Variants in CELF2 observed in about 807,000 individuals in gnomAD.
The protein encoded by CELF2 is CUGBP Elav-like family member 2.
A neutral mutation model predicts 62.6 loss-of-function variants in CELF2; 8 were observed. The observed-to-expected ratio is 0.13, with a 90% confidence interval of 0.07 to 0.23. The LOEUF (loss-of-function observed/expected upper bound fraction) is 0.23, where lower values mean the gene tolerates loss of function less well. CELF2 is among the 10% of genes least tolerant of loss of function. CELF2 has a pLI of 1.00. For missense variants in CELF2, 333 were observed against 671.0 expected (o/e 0.50, Z 5.56); for synonymous variants, 258 against 250.0 (o/e 1.03, Z -0.30).
intron 1 of CELF2, among the ~76,000 whole-genome samples, chr10:11,123,577 G>T (rs1204594083): frequency 7.9e-5 from 12 of 152,152 alleles, no homozygotes; most frequent in South Asian, 2.1e-4. Context: ...GGTGGTGAGG[G>T]TTAAGAGTTG....
At chr10:10,978,052 T>C (rs991363267) in intron 2 of CELF2, among the ~76,000 whole-genome samples, 2 of 151,362 alleles carry the variant, frequency 1.3e-5, no homozygotes, top group African/African-American at 4.9e-5. Flanking sequence ...TTTTTTTTTT[T>C]CCAGAGAAAG....
At chr10:10,673,176 G>A in the CELF2 span, among the ~76,000 whole-genome samples, 1 of 151,966 alleles carries the variant, frequency 6.6e-6, no homozygotes, top group Non-Finnish European at 1.5e-5. Context: ...CAGGAGTTTG[G>A]GGTTCTGTTT....
At chr10:11,022,691 A>G (rs1435320056) in intron 1 of CELF2, among the ~76,000 whole-genome samples, 3 of 152,232 alleles carry the variant, frequency 2.0e-5, no homozygotes, top group African/African-American at 7.2e-5. Context: ...TTTACTTAGC[A>G]TAAAAAGACA....
At chr10:11,155,417 T>C (rs7084513) in intron 1 of CELF2, among the ~76,000 whole-genome samples, 5,674 of 152,182 alleles carry the variant, frequency 0.037, 229 homozygotes, top group African/African-American at 0.1. Flanking sequence ...TGTTTGCTCC[T>C]CGTCTTCTCC....
the CELF2 span, among the ~76,000 whole-genome samples, chr10:10,513,006 A>G: frequency 1.3e-5 from 2 of 152,190 alleles, no homozygotes; most frequent in African/African-American, 4.8e-5. Flanking sequence ...CAATACCATG[A>G]AAACGGTGCC....
intron 2 of CELF2, among the ~76,000 whole-genome samples, chr10:10,945,372 C>T (rs2047545062): frequency 6.6e-6 from 1 of 152,170 alleles, no homozygotes; most frequent in Non-Finnish European, 1.5e-5. Flanking sequence ...GGCCAGACCC[C>T]AGCATATGCC....
chr10:10,927,908 A>C (rs1459684526), intron 2 of CELF2, among the ~76,000 whole-genome samples: 1 of 152,142 alleles, frequency 6.6e-6, no homozygotes, highest in East Asian at 1.9e-4. Context: ...TGTTTTTTTC[A>C]TAAAATCATG....
intron 1 of CELF2, among the ~76,000 whole-genome samples, chr10:11,065,277 A>G (rs2067790913): frequency 6.6e-6 from 1 of 152,198 alleles, no homozygotes; most frequent in Non-Finnish European, 1.5e-5. Context: ...TTGTGTATGC[A>G]AGTATTTGTC....
the CELF2 span, among the ~76,000 whole-genome samples, chr10:10,719,868 G>A: frequency 3.9e-5 from 6 of 152,286 alleles, 1 homozygote; most frequent in East Asian, 1.9e-4. Flanking sequence ...TGATTTGGGC[G>A]GTGGGGATTA....
Position 11,328,718 on chromosome 10 carries a change from A to G in CELF2, c.1439-208A>G, listed in dbSNP as rs907462107. ...GTGTGCTCCATGATGCCACATTTCC[A>G]GTCCAGCCAGCTGCTCCACAGCTGC... On this transcript the variant is annotated intron_variant, in intron 12 of 12. Coordinates refer to ENST00000633077, the MANE Select transcript of CELF2 (RefSeq NM_001326342.2). The surrounding 1 kb of genome is among the most constrained non-coding windows in gnomAD (Gnocchi z 6.4). 1.3e-5 allele frequency among the ~76,000 whole-genome samples: 2 copies of G among 152,180 alleles called. No homozygotes were observed. Among genetic ancestry groups the G allele is most frequent in the Non-Finnish European group, 1.5e-5 (1 of 68,020 alleles).
intron 1 of CELF2, among the ~76,000 whole-genome samples, chr10:11,078,530 C>G (rs1412617659): frequency 6.6e-6 from 1 of 152,186 alleles, no homozygotes; most frequent in Non-Finnish European, 1.5e-5. Context: ...TTTCATTCAT[C>G]CAGAACCTTG....
chr10:10,795,568 G>C (rs2054094669), upstream of CELF2, among the ~76,000 whole-genome samples: 1 of 152,126 alleles, frequency 6.6e-6, no homozygotes, highest in Non-Finnish European at 1.5e-5. Flanking sequence ...CCTCATTGTT[G>C]AAGATGAATT....
intron 2 of CELF2, among the ~76,000 whole-genome samples, chr10:10,985,994 AGTTACATGTTG>A: frequency 6.6e-6 from 1 of 152,226 alleles, no homozygotes; most frequent in Non-Finnish European, 1.5e-5. Flanking sequence ...CGGTTAAAAT[AGTTACATGTTG>A]AGATGAAAAT....
At position 11,296,430 on chromosome 10, in the gene CELF2, AT is replaced by A. The variant is rs2093191849; in HGVS notation, c.976+7881del. On this transcript the variant is annotated intron_variant, in intron 9 of 12. Coordinates refer to ENST00000633077, the MANE Select transcript of CELF2 (RefSeq NM_001326342.2). This position sits in a 1 kb window ranked among gnomAD's most constrained non-coding sequence, Gnocchi z 5.0. Reference sequence around the variant, plus strand: ...TTCTCACTAAATCACAGAAATTTTTATTTCTGTGATCTTGTATGATACAAAC... The same window carrying A: ...TTCTCACTAAATCACAGAAATTTTTATTCTGTGATCTTGTATGATACAAAC... Among the ~76,000 whole-genome samples, 1 of 152,020 alleles carries A rather than the reference AT, an allele frequency of 6.6e-6. No homozygotes were observed. The highest frequency in any genetic ancestry group is 1.5e-5 in the Non-Finnish European group (1 of 68,016).
chr10:10,676,826 G>A, the CELF2 span, among the ~76,000 whole-genome samples: 11 of 152,152 alleles, frequency 7.2e-5, no homozygotes, highest in South Asian at 2.1e-4. Flanking sequence ...TATTAGGGGG[G>A]AGTGACAGCT....
chr10:11,116,280 G>A (rs992428910), intron 1 of CELF2, among the ~76,000 whole-genome samples: 1 of 152,214 alleles, frequency 6.6e-6, no homozygotes, highest in Non-Finnish European at 1.5e-5. Flanking sequence ...TCAGCAGTCT[G>A]TTATTAGACT....
the CELF2 span, among the ~76,000 whole-genome samples, chr10:10,663,144 GA>G: frequency 6.6e-6 from 1 of 152,180 alleles, no homozygotes; most frequent in Non-Finnish European, 1.5e-5. Flanking sequence ...AGGTGAACGT[GA>G]AAAACCTTTC....
chr10:11,264,827 A>G (rs2081702327), intron 5 of CELF2, among the ~76,000 whole-genome samples: 2 of 152,240 alleles, frequency 1.3e-5, no homozygotes, highest in Admixed American at 6.5e-5. Flanking sequence ...AGTAAGCTTC[A>G]TCAGCTGCCA....
the CELF2 span, among the ~76,000 whole-genome samples, chr10:10,607,608 G>T: frequency 6.6e-6 from 1 of 152,172 alleles, no homozygotes; most frequent in Non-Finnish European, 1.5e-5. Context: ...TTAGAACAAG[G>T]TCATTAGGTA....
Sources: allele counts gnomAD v4.1 joint callset (sites outside exome capture counted in the v4.1 genomes callset), GRCh38; gene constraint gnomAD v4.1.1; non-coding constraint Gnocchi (gnomAD v3.1); transcripts MANE v1.5; gene names NCBI Gene and HGNC (gene_info 2026-07-23, HGNC 2026-07-21).